MEGF8: variants seen among roughly 807,000 people sequenced by gnomAD.
MEGF8 encodes multiple EGF like domains 8.
MEGF8 carries 156 observed loss-of-function variants against 302.9 expected under a neutral mutation model. The observed-to-expected ratio is 0.52, with a 90% CI of 0.45 to 0.59. MEGF8 has a LOEUF of 0.59. Among genes scored for constraint, MEGF8 ranks in the 20% least tolerant of loss-of-function variants. The pLI, the probability that MEGF8 is intolerant of heterozygous loss-of-function variation, is 0.00. For missense variants in MEGF8, 3,345 were observed against 3,964.5 expected, an observed-to-expected ratio of 0.84 and a Z score of 4.20; for synonymous variants, 1,621 against 1,660.5, an observed-to-expected ratio of 0.98 and a Z score of 0.58.
rs2039378572 is a variant in MEGF8 at position 42,351,814 on chromosome 19, G to T, written c.3101+53G>T. On this transcript the variant is annotated intron_variant, in intron 18 of 41. Transcript: ENST00000251268. This position sits in a 1 kb window ranked among gnomAD's most constrained non-coding sequence, Gnocchi z 5.6. ...GTGCCCGGCTGTGTCCTTCCTCCAT[G>T]ACCGGTCATTCTAATGGCCTCTTTG... The T allele has an allele frequency of 6.9e-7, 1 of 1,448,786 alleles. No individual in the cohort carries two copies. 89.7% of individuals were successfully genotyped at this position (1,448,786 alleles called of 1,614,324 possible).
chr19:42,357,120 C>A lies in MEGF8; in HGVS notation c.4830+139C>A. ...ATTTCCTCGGCCATCCTGGGTCACA[C>A]TGTTGTCCTGAGCCAGTCCTGGGCT... is the stretch of plus-strand genomic sequence containing the variant. On this transcript the variant is annotated intron_variant, in intron 27 of 41. Transcript: ENST00000251268. This position sits in a 1 kb window ranked among gnomAD's most constrained non-coding sequence, Gnocchi z 5.2. 2 of 983,952 alleles carry A rather than the reference C, an allele frequency of 2.0e-6. No individual in the cohort carries two copies. Among genetic ancestry groups the A allele is most frequent in the Non-Finnish European group, 2.9e-6 (2 of 679,630 alleles). 61.0% of individuals were successfully genotyped at this position (983,952 alleles called of 1,614,324 possible).
At position 42,326,291 on chromosome 19, in the gene MEGF8, C is replaced by T. The variant is rs777922711; in HGVS notation, c.48C>T (p.Ala16=). ...CCATGGCACTGGTTTTGGCCTTGGCCGTGCTGGGGTCGCTGTCCCCTGGGG... is the reference window on the plus strand; with the variant it reads ...CCATGGCACTGGTTTTGGCCTTGGCTGTGCTGGGGTCGCTGTCCCCTGGGG... The part of the protein sequence containing the change: ...VLAMALVLAL[A]VLGSLSPGAR... The change falls in exon 1 of 42, where the codon GCC becomes GCT. Residue 16 remains alanine (A), a synonymous_variant. Coordinates refer to ENST00000251268, the MANE Select transcript of MEGF8 (RefSeq NM_001271938.2). 4 of 1,561,412 alleles carry T rather than the reference C, an allele frequency of 2.6e-6. No individual in the cohort carries two copies. The highest frequency in any genetic ancestry group is 1.4e-5 in the African/African-American group (1 of 70,624).
At position 42,355,930 on chromosome 19, in the gene MEGF8, G is replaced by T. The variant is rs2039445093; in HGVS notation, c.4317G>T (p.Trp1439Cys). ...GGCTCTGCCGATGTCCTCAGGGCTG[G>T]GCTGGCCCACACTGCCGCATGGCTC... ...GAGLCRCPQG[W>C]AGPHCRMALC... The change falls in exon 24 of 42, where the codon TGG becomes TGT. Residue 1439 changes from tryptophan (W) to cysteine (C), a missense_variant. By Grantham distance (215) the Trp-to-Cys change is radical. Coordinates refer to ENST00000251268, the MANE Select transcript of MEGF8 (RefSeq NM_001271938.2). 5 of 1,606,860 alleles carry T rather than the reference G, an allele frequency of 3.1e-6. No homozygotes were observed. Among genetic ancestry groups the T allele is most frequent in the Non-Finnish European group, 3.4e-6 (4 of 1,177,354 alleles).
rs1441116924 is a variant in MEGF8, at chr19:42,325,690, G to A, written c.-554G>A. On this transcript the variant is annotated 5_prime_UTR_variant, in exon 1 of 42. Transcript: ENST00000251268. ...AGGGAGGCGAGGGTGGGTGAGCAAA[G>A]GGATTGGGTCTGTGGGGTCCAGGCC... is the stretch of plus-strand genomic sequence containing the variant. The A allele has an allele frequency of 6.5e-6, 1 of 152,858 alleles. No homozygotes were observed. 9.5% of individuals were successfully genotyped at this position (152,858 alleles called of 1,614,324 possible).
intron 31 of MEGF8, 38 bp downstream of exon 31, chr19:42,359,280 A>G: frequency 6.7e-7 from 1 of 1,500,766 alleles, no homozygotes; most frequent in East Asian, 2.4e-5. Context: ...GCTGAGGGAC[A>G]TCCAGGAGGA....
Position 42,348,431 on chromosome 19 carries a change from G to T in MEGF8, c.2257G>T (p.Val753Phe). 2 of 1,532,126 alleles carry T rather than the reference G, an allele frequency of 1.3e-6. No individual in the cohort carries two copies. Among genetic ancestry groups the T allele is most frequent in the Non-Finnish European group, 1.8e-6 (2 of 1,142,826 alleles). The allele number at this position is 1,532,126 out of a possible 1,614,324, so 94.9% of individuals were successfully genotyped here. A position where few individuals can be genotyped will look rare whatever the true frequency, so the allele number is the denominator to read the frequency against. ...AVWTRAQRLH[V>F]LARMARGPDT... ...GTGGACGCGGGCCCAGCGCCTACAC[G>T]TCCTGGCCCGGATGGCCCGTGGCCC... The change falls in exon 13 of 42, where the codon GTC becomes TTC. Residue 753 changes from valine (V) to phenylalanine (F), a missense_variant. Physicochemically the swap from Val to Phe is conservative, Grantham distance 50. Transcript: ENST00000251268.
chr19:42,359,635 T>C (rs1463230488), intron 31 of MEGF8, among the ~76,000 whole-genome samples: 1 of 152,080 alleles, frequency 6.6e-6, no homozygotes, highest in African/African-American at 2.4e-5. Context: ...GTGAGTGTGT[T>C]TCTGGGACTG....
chr19:42,346,061 C>T (rs964526831), intron 12 of MEGF8, among the ~76,000 whole-genome samples: 4 of 152,134 alleles, frequency 2.6e-5, no homozygotes, highest in Admixed American at 2.0e-4. Flanking sequence ...CCACCACACT[C>T]GGCTAATTTT....
In MEGF8 at chr19:42,348,328, G is replaced by T. The variant is rs1676211; in HGVS notation, c.2154G>T (p.Val718=). The T allele has an allele frequency of 6.5e-7, 1 of 1,537,304 alleles. No homozygotes were observed. Among genetic ancestry groups the T allele is most frequent in the East Asian group, 2.4e-5 (1 of 40,932 alleles). The change falls in exon 13 of 42, where the codon GTG becomes GTT. Residue 718 remains valine, a synonymous_variant. Coordinates refer to ENST00000251268, the MANE Select transcript of MEGF8 (RefSeq NM_001271938.2). The part of the protein sequence containing the change: ...ITLTPSAETD[V]SLVYRGFIYP... Reference sequence around the variant, plus strand: ...TAACACCCAGCGCAGAGACAGATGTGTCCCTGGTCTACCGTGGCTTCATCT... The same window carrying T: ...TAACACCCAGCGCAGAGACAGATGTTTCCCTGGTCTACCGTGGCTTCATCT...
intron 1 of MEGF8, among the ~76,000 whole-genome samples, chr19:42,330,475 T>A (rs1437792061): frequency 6.6e-6 from 1 of 152,204 alleles, no homozygotes; most frequent in Non-Finnish European, 1.5e-5. Flanking sequence ...GGAGGTCTGG[T>A]TGTGTGGCCG....
intron 13 of MEGF8, 90 bp downstream of exon 13, chr19:42,348,562 C>G (rs1403874179): frequency 1.8e-5 from 23 of 1,263,542 alleles, no homozygotes; most frequent in Non-Finnish European, 2.3e-5. Context: ...TTTGAAGGTT[C>G]TGGGGAAGGG....
At chr19:42,370,605 T>A in intron 39 of MEGF8, 96 bp from the exon 40 acceptor site, 1 of 1,389,026 alleles carries the variant, frequency 7.2e-7, no homozygotes. Flanking sequence ...CTCCTGGGTC[T>A]GAGGGAGGAG....
intron 12 of MEGF8, among the ~76,000 whole-genome samples, chr19:42,345,923 GA>G (rs1350923390): frequency 1.3e-5 from 2 of 152,158 alleles, no homozygotes; most frequent in Admixed American, 1.3e-4. Flanking sequence ...TGTTGAGACA[GA>G]GTCTCTCTCT....
At position 42,346,433 on chromosome 19, in the gene MEGF8, T is replaced by C. The variant is rs549954845; in HGVS notation, c.2097+1600T>C. On this transcript the variant is annotated intron_variant, in intron 12 of 41. Coordinates refer to ENST00000251268, the MANE Select transcript of MEGF8 (RefSeq NM_001271938.2). Reference sequence around the variant, plus strand: ...GTCGGGTGCCTGTAATCCCAGCACTTTGGGAGGCTAAGGTGGGAGGATCAC... The same window carrying C: ...GTCGGGTGCCTGTAATCCCAGCACTCTGGGAGGCTAAGGTGGGAGGATCAC... Among the ~76,000 whole-genome samples, 12 of 151,826 alleles carry C rather than the reference T, an allele frequency of 7.9e-5. No homozygotes were observed. In the East Asian group the frequency reaches 1.6e-3, roughly 20 times the overall value.
In MEGF8 at chr19:42,367,801, G is replaced by T. The variant is rs75099312; in HGVS notation, c.6274-654G>T. Among the ~76,000 whole-genome samples, 1,289 of 152,312 alleles carry T rather than the reference G, an allele frequency of 8.5e-3. 9 individuals are homozygous for T. The highest frequency in any genetic ancestry group is 0.013 in the Non-Finnish European group (886 of 68,024). Reference sequence around the variant, plus strand: ...GCCTTTCTATCTGTCTTTAGGGCACGTGGTTCTCATCTCTGTCTCTTTCTG... The same window carrying T: ...GCCTTTCTATCTGTCTTTAGGGCACTTGGTTCTCATCTCTGTCTCTTTCTG... On this transcript the variant is annotated intron_variant, in intron 35 of 41. Transcript: ENST00000251268.
chr19:42,362,031 G>A, intron 32 of MEGF8, 59 bp from the exon 33 acceptor site: 1 of 1,595,568 alleles, frequency 6.3e-7, no homozygotes, highest in East Asian at 2.3e-5. Flanking sequence ...GACAGTGTCT[G>A]GGAGGCAGAA....
intron 41 of MEGF8, among the ~76,000 whole-genome samples, chr19:42,374,522 G>A (rs2039739481): frequency 3.3e-5 from 5 of 151,412 alleles, no homozygotes; most frequent in Admixed American, 3.3e-4. Context: ...GGTCAGTTAG[G>A]CTTGGTGCCT....
rs1200200707 is a variant in MEGF8, at chr19:42,368,888, G to GC, written c.6533dup (p.Glu2179Ter). 3 of 1,613,866 alleles carry GC rather than the reference G, an allele frequency of 1.9e-6. No homozygotes were observed. The highest frequency in any genetic ancestry group is 2.5e-6 in the Non-Finnish European group (3 of 1,179,868). ...GGGGCCTCCTGGGCCTTCCTGTCCT[G>GC]CCCCCCTGAGGACGAGTGTGCAAAC... is the stretch of plus-strand genomic sequence containing the variant. On this transcript the variant is annotated frameshift_variant, in exon 37 of 42. Coordinates refer to ENST00000251268, the MANE Select transcript of MEGF8 (RefSeq NM_001271938.2). LOFTEE classifies it high-confidence loss of function. The surrounding 1 kb of genome is among the most constrained non-coding windows in gnomAD (Gnocchi z 4.9).
intron 8 of MEGF8, 115 bp downstream of exon 8, chr19:42,337,321 G>A (rs2039141993): frequency 6.9e-7 from 1 of 1,453,776 alleles, no homozygotes; most frequent in Non-Finnish European, 9.4e-7. Flanking sequence ...CAGGCCAGTT[G>A]GTGCCAGCCT....
Sources: allele counts gnomAD v4.1 joint callset (sites outside exome capture counted in the v4.1 genomes callset), GRCh38; gene constraint gnomAD v4.1.1; non-coding constraint Gnocchi (gnomAD v3.1); transcripts MANE v1.5; gene names NCBI Gene and HGNC (gene_info 2026-07-23, HGNC 2026-07-21).